ZNF704: variants seen among roughly 807,000 people sequenced by gnomAD.
ZNF704 encodes zinc finger protein 704.
A neutral mutation model predicts 44.7 loss-of-function variants in ZNF704; 10 were observed. The ratio of observed to expected loss-of-function variants is 0.22; its 90% CI spans 0.14 to 0.38. ZNF704 has a LOEUF of 0.38. ZNF704 is among the 10% of genes least tolerant of loss of function. The pLI is 1.00. For synonymous variants in ZNF704, 211 were observed against 207.6 expected, an observed-to-expected ratio of 1.02 and a Z score of -0.14; for missense variants, 390 against 545.5, an observed-to-expected ratio of 0.71 and a Z score of 2.84.
chr8:80,670,633 G>T, intron 4 of ZNF704, 30 bp from the exon 5 acceptor site: 1 of 1,446,414 alleles, frequency 6.9e-7, no homozygotes, highest in South Asian at 1.2e-5. Context: ...ATATTAGAAT[G>T]GAAACTATTT....
intron 7 of ZNF704, among the ~76,000 whole-genome samples, chr8:80,649,772 T>C (rs926342319): frequency 6.6e-6 from 1 of 152,132 alleles, no homozygotes; most frequent in Non-Finnish European, 1.5e-5. Context: ...GCAGAAAACT[T>C]TGCAGACTTA....
At chr8:80,793,232 A>G (rs1339544986) in intron 2 of ZNF704, among the ~76,000 whole-genome samples, 1 of 152,206 alleles carries the variant, frequency 6.6e-6, no homozygotes. Flanking sequence ...GTACTGAGCA[A>G]TAAGGAGCAA....
chr8:80,776,427 C>T (rs551473737), intron 2 of ZNF704, among the ~76,000 whole-genome samples: 2 of 152,098 alleles, frequency 1.3e-5, no homozygotes, highest in Non-Finnish European at 2.9e-5. Context: ...ACTTAATTTG[C>T]AATGATTTAA....
intron 1 of ZNF704, among the ~76,000 whole-genome samples, chr8:80,863,483 G>A (rs571028114): frequency 8.1e-4 from 123 of 152,152 alleles, no homozygotes; most frequent in Non-Finnish European, 1.2e-3. Context: ...TTTCTGAAAT[G>A]TTTGACAAAT....
chr8:80,755,953 C>A (rs1327351609), intron 2 of ZNF704, among the ~76,000 whole-genome samples: 3 of 151,668 alleles, frequency 2.0e-5, no homozygotes, highest in Non-Finnish European at 4.4e-5. Flanking sequence ...AAAAAAAAAT[C>A]AATAAATCAG....
chr8:80,729,997 G>C (rs965107826), intron 2 of ZNF704, among the ~76,000 whole-genome samples: 2 of 152,026 alleles, frequency 1.3e-5, no homozygotes, highest in Non-Finnish European at 2.9e-5. Context: ...TGCCCCATTC[G>C]AACACCTACT....
intron 4 of ZNF704, among the ~76,000 whole-genome samples, chr8:80,686,858 T>C (rs1300415307): frequency 6.6e-6 from 1 of 152,096 alleles, no homozygotes; most frequent in African/African-American, 2.4e-5. Context: ...GAGAAAAATA[T>C]ATTAATTATA....
At chr8:80,803,989 A>G (rs1181604118) in intron 2 of ZNF704, among the ~76,000 whole-genome samples, 2 of 152,192 alleles carry the variant, frequency 1.3e-5, no homozygotes, top group Non-Finnish European at 1.5e-5. Context: ...TTTAGAAGAA[A>G]CAAAAAAATC....
chr8:80,788,468 T>C (rs1807650423), intron 2 of ZNF704, among the ~76,000 whole-genome samples: 1 of 152,206 alleles, frequency 6.6e-6, no homozygotes, highest in East Asian at 1.9e-4. Context: ...GTGATAAAAG[T>C]GGTCAAGTGA....
At chr8:80,662,935 GA>G (rs1196305740) in intron 6 of ZNF704, among the ~76,000 whole-genome samples, 1 of 152,184 alleles carries the variant, frequency 6.6e-6, no homozygotes, top group Admixed American at 6.5e-5. Flanking sequence ...TTAGTTACAT[GA>G]AAAGTTTTTA....
chr8:80,832,714 A>T (rs1388610326), intron 1 of ZNF704, among the ~76,000 whole-genome samples: 2 of 152,174 alleles, frequency 1.3e-5, no homozygotes, highest in Non-Finnish European at 2.9e-5. Flanking sequence ...TTTAGGCCAC[A>T]GCAAAAATCA....
chr8:80,865,427 G>A (rs1203307423), intron 1 of ZNF704, among the ~76,000 whole-genome samples: 2 of 152,180 alleles, frequency 1.3e-5, no homozygotes, highest in Admixed American at 6.5e-5. Flanking sequence ...TTGGGTGGGG[G>A]CAGCTGGGAG....
intron 2 of ZNF704, among the ~76,000 whole-genome samples, chr8:80,747,738 G>A (rs887207327): frequency 6.6e-6 from 1 of 152,132 alleles, no homozygotes; most frequent in African/African-American, 2.4e-5. Flanking sequence ...GTTTTTTTGA[G>A]ACGGAGTCTC....
chr8:80,712,032 G>T (rs1303390986), intron 2 of ZNF704, among the ~76,000 whole-genome samples: 1 of 152,192 alleles, frequency 6.6e-6, no homozygotes, highest in Admixed American at 6.5e-5. Flanking sequence ...CAAAGTCCAC[G>T]TGTTGGAAAC....
At chr8:80,774,050 CTTT>C (rs113962202) in intron 2 of ZNF704, among the ~76,000 whole-genome samples, 7 of 142,930 alleles carry the variant, frequency 4.9e-5, no homozygotes, top group African/African-American at 5.1e-5. Flanking sequence ...TTTAAATCTT[CTTT>C]TTTTTTTTTT....
chr8:80,672,050 A>T (rs1000233310), intron 4 of ZNF704, among the ~76,000 whole-genome samples: 4 of 152,224 alleles, frequency 2.6e-5, no homozygotes, highest in Non-Finnish European at 5.9e-5. Flanking sequence ...AAGTGTATTG[A>T]AATACAGCTA....
At chr8:80,793,243 T>C (rs573450019) in intron 2 of ZNF704, among the ~76,000 whole-genome samples, 62 of 152,236 alleles carry the variant, frequency 4.1e-4, no homozygotes, top group East Asian at 5.8e-4. Flanking sequence ...TAAGGAGCAA[T>C]TGACATGGGA....
intron 2 of ZNF704, among the ~76,000 whole-genome samples, chr8:80,796,315 A>C (rs1187632453): frequency 1.3e-5 from 2 of 152,156 alleles, no homozygotes; most frequent in Non-Finnish European, 2.9e-5. Flanking sequence ...TCCTCACCTT[A>C]TAAAGCCAGC....
At chr8:80,732,693 C>T (rs1311648128) in intron 2 of ZNF704, among the ~76,000 whole-genome samples, 13 of 152,194 alleles carry the variant, frequency 8.5e-5, no homozygotes, top group South Asian at 6.2e-4. Flanking sequence ...CAGTGGCTCA[C>T]GCCTGTAATC....
Sources: gnomAD v4.1 joint callset for allele counts (sites outside exome capture counted in the v4.1 genomes callset) on GRCh38, gnomAD v4.1.1 for gene constraint, MANE v1.5 for transcripts, NCBI Gene and HGNC (gene_info 2026-07-23, HGNC 2026-07-21) for gene names.